TANK: variants seen among roughly 807,000 people sequenced by gnomAD.
TANK encodes TRAF family member-associated NF-kappa-B activator.
TANK carries 15 observed loss-of-function variants against 43.6 expected under a neutral mutation model. The observed-to-expected ratio is 0.34, with a 90% CI of 0.23 to 0.53. The LOEUF (loss-of-function observed/expected upper bound fraction) is 0.53. Ranked by LOEUF, TANK falls within the 20% of genes least tolerant of loss-of-function variation. TANK has a pLI of 0.94. For synonymous variants in TANK, 162 were observed against 178.2 expected (o/e 0.91, Z 0.73); for missense variants, 417 against 498.6 (o/e 0.84, Z 1.56).
At chr2:161,188,975 T>C (rs1685794626) in intron 2 of TANK, among the ~76,000 whole-genome samples, 1 of 152,218 alleles carries the variant, frequency 6.6e-6, no homozygotes, top group South Asian at 2.1e-4. Context: ...TGCTAGTGTC[T>C]TGGTTTTGGA....
chr2:161,198,295 G>GTA (rs1686247958), intron 2 of TANK, among the ~76,000 whole-genome samples: 1 of 152,242 alleles, frequency 6.6e-6, no homozygotes, highest in Non-Finnish European at 1.5e-5. Flanking sequence ...AAGCTTGGGT[G>GTA]TAGTCTTTTA....
intron 1 of TANK, among the ~76,000 whole-genome samples, chr2:161,141,117 T>G (rs1683734703): frequency 6.6e-6 from 1 of 152,164 alleles, no homozygotes; most frequent in South Asian, 2.1e-4. Flanking sequence ...TTCAGTGGCA[T>G]TCAGTACACT....
intron 7 of TANK, 54 bp downstream of exon 7, chr2:161,231,605 A>G: frequency 6.7e-7 from 1 of 1,493,026 alleles, no homozygotes; most frequent in Non-Finnish European, 9.2e-7. Context: ...ACATTTTGCC[A>G]TACATGCACA....
In TANK at chr2:161,204,989, C is replaced by T. The variant is rs1051549666; in HGVS notation, c.327+196C>T. On this transcript the variant is annotated intron_variant, in intron 4 of 7. Coordinates refer to ENST00000392749, the MANE Select transcript of TANK (RefSeq NM_001199135.3). ...CTGAGGTTTTGTATTTCCTACTGAC[C>T]GTTTTTCTACATCACAAGCATTTCA... is the stretch of plus-strand genomic sequence containing the variant. 1.3e-5 allele frequency: 18 copies of T among 1,334,766 alleles called. No individual in the cohort carries two copies. In the African/African-American group the frequency reaches 2.0e-4, roughly 15 times the overall value. 82.7% of individuals were successfully genotyped at this position (1,334,766 alleles called of 1,614,324 possible). A position where few individuals can be genotyped will look rare whatever the true frequency, so the allele number is the denominator to read the frequency against.
At chr2:161,211,781 G>T (rs973855625) in intron 4 of TANK, 1 of 985,288 alleles carries the variant, frequency 1.0e-6, no homozygotes, top group African/African-American at 1.7e-5. Flanking sequence ...GCCAATGTAG[G>T]CTGGGGCTTA....
At chr2:161,232,745 T>C (rs1183578145) in intron 7 of TANK, 2 of 1,550,010 alleles carry the variant, frequency 1.3e-6, no homozygotes, top group Non-Finnish European at 8.7e-7. Context: ...TGTGCATTCA[T>C]GTTTCAGTAG....
upstream of TANK, chr2:161,156,457 C>A: frequency 1.3e-6 from 1 of 766,036 alleles, no homozygotes; most frequent in Non-Finnish European, 1.6e-6. Context: ...AAATACAAAG[C>A]AGATTCTCTC....
At chr2:161,203,357 A>G (rs1181371731) in intron 2 of TANK, 130 bp from the exon 3 acceptor site, 4 of 598,304 alleles carry the variant, frequency 6.7e-6, no homozygotes, top group Non-Finnish European at 1.2e-5. Context: ...GCCAGTTTGT[A>G]TCTCATAAAT....
intron 7 of TANK, chr2:161,232,927 G>A: frequency 1.2e-5 from 17 of 1,407,340 alleles, no homozygotes; most frequent in Non-Finnish European, 1.5e-5. Flanking sequence ...GGCAGAAAAA[G>A]CAAAGAAATT....
chr2:161,164,141 C>T (rs1326584391), intron 1 of TANK, among the ~76,000 whole-genome samples: 1 of 152,176 alleles, frequency 6.6e-6, no homozygotes, highest in Non-Finnish European at 1.5e-5. Flanking sequence ...TGAAAGAAGA[C>T]TGCATGTTTT....
chr2:161,139,814 G>A (rs1454761245), intron 1 of TANK: 1 of 985,270 alleles, frequency 1.0e-6, no homozygotes, highest in Non-Finnish European at 1.2e-6. Context: ...AAACAAAGCA[G>A]CTATTCCTAC....
Position 161,139,839 on chromosome 2 carries a change from G to T in TANK, c.-50+2776G>T, listed in dbSNP as rs1000596012. ...GCTATTCCTACGCTTTGTGCAAAAA[G>T]CCTTCTTCCTATTATGACAGTGCTA... On this transcript the variant is annotated intron_variant, in intron 1 of 7. Transcript: ENST00000259075. 9.1e-6 allele frequency: 9 copies of T among 985,376 alleles called. No individual in the cohort carries two copies. The East Asian group carries it at 3.4e-4, about 37-fold the overall frequency. The allele number at this position is 985,376 out of a possible 1,614,324, so 61.0% of individuals were successfully genotyped here. A position where few individuals can be genotyped will look rare whatever the true frequency, so the allele number is the denominator to read the frequency against.
At chr2:161,160,235 G>C, upstream of TANK, 2 of 393,570 alleles carry the variant, frequency 5.1e-6, no homozygotes, top group Non-Finnish European at 8.9e-6. Flanking sequence ...TTTTCTAAGA[G>C]GCGGGGACTT....
chr2:161,180,152 A>T, intron 2 of TANK: 13 of 978,944 alleles, frequency 1.3e-5, no homozygotes, highest in Non-Finnish European at 1.5e-5. Context: ...TGACAGGAAA[A>T]CTTTTCAAAT....
At chr2:161,215,273 C>G (rs909434654) in intron 4 of TANK, among the ~76,000 whole-genome samples, 1 of 152,152 alleles carries the variant, frequency 6.6e-6, no homozygotes, top group Non-Finnish European at 1.5e-5. Context: ...AGTTACTTTT[C>G]ATCCTCCTGA....
intron 1 of TANK, among the ~76,000 whole-genome samples, chr2:161,174,530 A>G (rs1487916688): frequency 6.6e-6 from 1 of 152,196 alleles, no homozygotes. Context: ...TAAATATATG[A>G]TATCATTTAT....
chr2:161,162,375 A>G (rs1684482848), intron 1 of TANK, among the ~76,000 whole-genome samples: 1 of 152,062 alleles, frequency 6.6e-6, no homozygotes, highest in African/African-American at 2.4e-5. Flanking sequence ...TTTAACCATT[A>G]TATTTTCTTA....
chr2:161,172,300 TA>T (rs774488186), intron 1 of TANK, among the ~76,000 whole-genome samples: 1 of 151,810 alleles, frequency 6.6e-6, no homozygotes, highest in Non-Finnish European at 1.5e-5. Context: ...GGTGGTACAA[TA>T]ATGCGTATTG....
intron 4 of TANK, among the ~76,000 whole-genome samples, chr2:161,206,643 A>G (rs1271468291): frequency 1.3e-5 from 2 of 152,090 alleles, no homozygotes; most frequent in Non-Finnish European, 2.9e-5. Flanking sequence ...TCATTTATCT[A>G]AAAATGCTGA....
Sources: allele counts gnomAD v4.1 joint callset (sites outside exome capture counted in the v4.1 genomes callset), GRCh38; gene constraint gnomAD v4.1.1; transcripts MANE v1.5; gene names NCBI Gene and HGNC (gene_info 2026-07-23, HGNC 2026-07-21).